Variants in PPP1R12B observed in about 807,000 individuals in gnomAD.
The protein encoded by PPP1R12B is myosin phosphatase target subunit 2.
In PPP1R12B, 76 loss-of-function variants were observed where a neutral mutation model predicts 126.1. The observed-to-expected ratio is 0.60, with a 90% CI of 0.50 to 0.73. The LOEUF (loss-of-function observed/expected upper bound fraction) is 0.73. PPP1R12B is among the 30% of genes least tolerant of loss of function. The pLI is 0.00. For synonymous variants in PPP1R12B, 356 were observed against 434.7 expected, an observed-to-expected ratio of 0.82 and a Z score of 2.25; for missense variants, 1,052 against 1,205.1, an observed-to-expected ratio of 0.87 and a Z score of 1.88.
At chr1:202,444,729 T>G (rs1672027068) in intron 12 of PPP1R12B, among the ~76,000 whole-genome samples, 1 of 152,208 alleles carries the variant, frequency 6.6e-6, no homozygotes, top group African/African-American at 2.4e-5. Context: ...TAGCCTCTCC[T>G]CTTATCATAT....
chr1:202,557,615 T>C (rs554392738), intron 18 of PPP1R12B, among the ~76,000 whole-genome samples: 1 of 152,200 alleles, frequency 6.6e-6, no homozygotes, highest in South Asian at 2.1e-4. Flanking sequence ...CAGCGGTATT[T>C]AACCAGGGCT....
At chr1:202,505,646 G>A (rs12741415) in intron 18 of PPP1R12B, among the ~76,000 whole-genome samples, 8 of 152,232 alleles carry the variant, frequency 5.3e-5, no homozygotes, top group Middle Eastern at 3.4e-3. Context: ...ACAAGATTGC[G>A]CTGTGGAGTT....
chr1:202,406,997 C>T (rs1256896981), intron 1 of PPP1R12B, among the ~76,000 whole-genome samples: 1 of 152,164 alleles, frequency 6.6e-6, no homozygotes, highest in African/African-American at 2.4e-5. Flanking sequence ...GAGACTGGAA[C>T]ATACAACTTC....
intron 18 of PPP1R12B, among the ~76,000 whole-genome samples, chr1:202,545,949 A>G (rs1372194128): frequency 6.6e-6 from 1 of 152,206 alleles, no homozygotes; most frequent in Non-Finnish European, 1.5e-5. Flanking sequence ...GGCTTAGTAT[A>G]TAATTTTGAG....
rs1385753475 is a variant in PPP1R12B, at chr1:202,589,111, A to C, written c.*8551A>C. 1 of 152,126 alleles carries C rather than the reference A, an allele frequency of 6.6e-6. No homozygotes were observed. Among genetic ancestry groups the C allele is most frequent in the Non-Finnish European group, 1.5e-5 (1 of 68,030 alleles). The allele number at this position is 152,126 out of a possible 1,614,324, so 9.4% of individuals were successfully genotyped here. On this transcript the variant is annotated 3_prime_UTR_variant, in exon 24 of 24. Coordinates refer to ENST00000608999, the MANE Select transcript of PPP1R12B (RefSeq NM_002481.4). The stretch of plus-strand genomic sequence containing the variant: ...ATGAGGTCATTGTTTAATTCAGGAG[A>C]TCCAAAACTATCCTGTAGTTCCAAA...
intron 8 of PPP1R12B, among the ~76,000 whole-genome samples, chr1:202,432,928 A>G (rs1670362592): frequency 6.6e-6 from 1 of 152,198 alleles, no homozygotes; most frequent in South Asian, 2.1e-4. Context: ...CTTTGCTGAT[A>G]TGATTTCTCT....
intron 14 of PPP1R12B, among the ~76,000 whole-genome samples, chr1:202,489,538 C>G (rs1263144513): frequency 6.6e-6 from 1 of 152,150 alleles, no homozygotes; most frequent in East Asian, 1.9e-4. Context: ...AAATGAAGTA[C>G]TGATACATGT....
chr1:202,433,049 C>T (rs527965624), intron 8 of PPP1R12B, among the ~76,000 whole-genome samples: 94 of 152,282 alleles, frequency 6.2e-4, no homozygotes, highest in African/African-American at 2.1e-3. Context: ...AAGAAAGGCA[C>T]CAGCTAAGTT....
intron 18 of PPP1R12B, among the ~76,000 whole-genome samples, chr1:202,556,175 C>T (rs1002601202): frequency 1.9e-4 from 29 of 152,248 alleles, no homozygotes; most frequent in African/African-American, 7.0e-4. Flanking sequence ...TGCACCTGGC[C>T]TAATACGATA....
chr1:202,544,608 G>A (rs1685466697), intron 18 of PPP1R12B, among the ~76,000 whole-genome samples: 1 of 152,062 alleles, frequency 6.6e-6, no homozygotes, highest in Non-Finnish European at 1.5e-5. Context: ...TCATTGAATT[G>A]GTATTTGTTA....
chr1:202,487,603 C>CTTTTT (rs35559949), intron 13 of PPP1R12B, among the ~76,000 whole-genome samples: 3 of 147,062 alleles, frequency 2.0e-5, no homozygotes, highest in Non-Finnish European at 4.5e-5. Context: ...AGATACATTT[C>CTTTTT]TTTTTTTTTT....
intron 1 of PPP1R12B, among the ~76,000 whole-genome samples, chr1:202,352,606 C>A (rs182009101): frequency 6.6e-6 from 1 of 151,940 alleles, no homozygotes; most frequent in Non-Finnish European, 1.5e-5. Context: ...TTCACACTGG[C>A]GGCCGGGGGT....
At chr1:202,501,678 A>G (rs1558307097) in intron 18 of PPP1R12B, among the ~76,000 whole-genome samples, 1 of 152,206 alleles carries the variant, frequency 6.6e-6, no homozygotes, top group Non-Finnish European at 1.5e-5. Flanking sequence ...AACCAATTTT[A>G]TGGTTAAGAA....
chr1:202,375,976 T>C (rs1661118244), intron 1 of PPP1R12B, among the ~76,000 whole-genome samples: 1 of 152,240 alleles, frequency 6.6e-6, no homozygotes, highest in Admixed American at 6.5e-5. Context: ...ACTTATTCAC[T>C]GTTATGTTAA....
intron 13 of PPP1R12B, among the ~76,000 whole-genome samples, chr1:202,455,012 G>T (rs1285676900): frequency 3.3e-5 from 5 of 152,134 alleles, no homozygotes; most frequent in African/African-American, 1.2e-4. Flanking sequence ...TGCTGGTTAA[G>T]TAACAGCTAA....
At position 202,514,745 on chromosome 1, in the gene PPP1R12B, A is replaced by C. The variant is rs1302764671; in HGVS notation, c.2490+17923A>C. On this transcript the variant is annotated intron_variant, in intron 18 of 23. Transcript: ENST00000608999. ...AAGATCAGATGGTTGTAGGTGTGCA[A>C]CCTTATTTCAGGGCTCTCTATTCTA... Among the ~76,000 whole-genome samples the C allele has an allele frequency of 3.3e-5, 5 of 152,060 alleles. No homozygotes were observed. In the South Asian group the frequency reaches 1.0e-3, roughly 32 times the overall value.
intron 18 of PPP1R12B, among the ~76,000 whole-genome samples, chr1:202,512,285 A>G (rs1015206662): frequency 7.9e-5 from 12 of 152,220 alleles, no homozygotes; most frequent in Middle Eastern, 3.2e-3. Flanking sequence ...CTAGAGAGCA[A>G]TTAGAGCCTA....
chr1:202,566,066 G>C (rs1210965604), intron 21 of PPP1R12B, among the ~76,000 whole-genome samples: 1 of 152,230 alleles, frequency 6.6e-6, no homozygotes, highest in Non-Finnish European at 1.5e-5. Flanking sequence ...GAGCAGTCAT[G>C]TGAGGAACCA....
intron 18 of PPP1R12B, among the ~76,000 whole-genome samples, chr1:202,537,498 A>G (rs1558346639): frequency 6.6e-6 from 1 of 152,222 alleles, no homozygotes; most frequent in Non-Finnish European, 1.5e-5. Context: ...TATACTTTTC[A>G]GTGTGGTTGA....
Sources: allele counts gnomAD v4.1 joint callset (sites outside exome capture counted in the v4.1 genomes callset), GRCh38; gene constraint gnomAD v4.1.1; transcripts MANE v1.5; gene names NCBI Gene and HGNC (gene_info 2026-07-23, HGNC 2026-07-21).